FRK: variants seen among roughly 807,000 people sequenced by gnomAD.
FRK encodes tyrosine-protein kinase FRK.
FRK carries 51 observed loss-of-function variants against 56.4 expected under a neutral mutation model. The observed-to-expected ratio is 0.90, with a 90% CI of 0.72 to 1.14. The LOEUF is 1.14. Among genes scored for constraint, FRK ranks in the 50% most tolerant of loss-of-function variants. The pLI is 0.00. For synonymous variants in FRK, 245 were observed against 217.9 expected, an observed-to-expected ratio of 1.12 and a Z score of -1.10; for missense variants, 570 against 601.4, an observed-to-expected ratio of 0.95 and a Z score of 0.55.
rs1554224845 is a variant in FRK, at chr6:115,953,180, ATTTTTTTTTTTT to A, written c.958+3260_958+3271del. 3.5e-4 allele frequency among the ~76,000 whole-genome samples: 36 copies of A among 104,062 alleles called. 4 individuals are homozygous for A. The highest frequency in any genetic ancestry group is 5.1e-4 in the Non-Finnish European group (28 of 54,692). The allele number at this position is 104,062 out of a possible 152,430, so 68.3% of individuals were successfully genotyped here. Reference sequence around the variant, plus strand: ...AGAGTGGTACATCCATTTTAAGGCCATTTTTTTTTTTTTTTTTTTTTTTTTTTGAGACGGAGT... The same window carrying A: ...AGAGTGGTACATCCATTTTAAGGCCATTTTTTTTTTTTTTTGAGACGGAGT... On this transcript the variant is annotated intron_variant, in intron 5 of 7. Transcript: ENST00000606080.
At position 115,967,575 on chromosome 6, in the gene FRK, C is replaced by G; in HGVS notation, c.775G>C (p.Val259Leu). ...WEGLWNNTTP[V>L]AVKTLKPGSM... ...CCTGGTTTTAATGTTTTCACTGCTA[C>G]TGGAGTGGTATTGTTCCACAGACCT... is the stretch of plus-strand genomic sequence containing the variant. Residue 259 changes from valine to leucine, a missense_variant, in exon 4 of 8, where the codon GTA becomes CTA. By Grantham distance (32) the Val-to-Leu change is conservative. Transcript: ENST00000606080. 6.2e-7 allele frequency: 1 copy of G among 1,613,510 alleles called. No homozygotes were observed. The highest frequency in any genetic ancestry group is 8.5e-7 in the Non-Finnish European group (1 of 1,179,690).
intron 1 of FRK, among the ~76,000 whole-genome samples, chr6:116,008,962 A>G (rs1775361271): frequency 6.6e-6 from 1 of 152,378 alleles, no homozygotes; most frequent in South Asian, 2.1e-4. Context: ...TTAATTGAGC[A>G]AAGAATGATT....
the FRK span, among the ~76,000 whole-genome samples, chr6:116,094,745 G>C: frequency 2.6e-5 from 4 of 152,144 alleles, no homozygotes; most frequent in African/African-American, 9.7e-5. Flanking sequence ...AAAGGAAAGA[G>C]AGAAAGAGAC....
chr6:116,083,822 G>C, the FRK span, among the ~76,000 whole-genome samples: 1 of 139,672 alleles, frequency 7.2e-6, no homozygotes, highest in African/African-American at 2.5e-5. Flanking sequence ...ACCATGCCCA[G>C]CTAATTTTTT....
intron 5 of FRK, among the ~76,000 whole-genome samples, chr6:115,953,604 G>A (rs1466145673): frequency 6.6e-6 from 1 of 152,146 alleles, no homozygotes; most frequent in African/African-American, 2.4e-5. Context: ...TGAAGGCACC[G>A]ATAAACTTGA....
rs1772038666 is a variant in FRK at position 115,936,042 on chromosome 6, A to C, written c.*6372T>G. ...GGGTCCCTGACCCTCGTTTATCCTG[A>C]TTGGGAGATATCTCCCAGTAGGGGC... is the stretch of plus-strand genomic sequence containing the variant. On this transcript the variant is annotated 3_prime_UTR_variant, in exon 8 of 8. Coordinates refer to ENST00000606080, the MANE Select transcript of FRK (RefSeq NM_002031.3). 6.5e-6 allele frequency: 1 copy of C among 153,668 alleles called. No individual in the cohort carries two copies. Among genetic ancestry groups the C allele is most frequent in the Non-Finnish European group, 1.4e-5 (1 of 69,280 alleles). 9.5% of individuals were successfully genotyped at this position (153,668 alleles called of 1,614,324 possible).
chr6:115,996,001 T>C (rs1774824938), intron 2 of FRK, among the ~76,000 whole-genome samples: 1 of 152,212 alleles, frequency 6.6e-6, no homozygotes, highest in African/African-American at 2.4e-5. Context: ...TAATACATTT[T>C]ATATGAGATA....
chr6:115,944,534 G>A, intron 5 of FRK, 109 bp from the exon 6 acceptor site: 2 of 763,520 alleles, frequency 2.6e-6, no homozygotes, highest in Non-Finnish European at 4.2e-6. Context: ...TAAGTACAAT[G>A]GCACTGATCT....
At chr6:116,028,003 T>C (rs1776158232) in intron 1 of FRK, among the ~76,000 whole-genome samples, 1 of 152,048 alleles carries the variant, frequency 6.6e-6, no homozygotes. Flanking sequence ...TAAGTGCCTA[T>C]ATGGTAGGTA....
At chr6:116,018,192 G>T (rs1775724079) in intron 1 of FRK, among the ~76,000 whole-genome samples, 1 of 152,122 alleles carries the variant, frequency 6.6e-6, no homozygotes, top group Non-Finnish European at 1.5e-5. Context: ...TGTATGCAAA[G>T]CAGTTTGATT....
At chr6:116,058,868 G>A (rs1470288928) in intron 1 of FRK, among the ~76,000 whole-genome samples, 1 of 136,866 alleles carries the variant, frequency 7.3e-6, no homozygotes, top group Non-Finnish European at 1.5e-5. Flanking sequence ...CCGAGATCGC[G>A]CCACTGCACT....
chr6:116,008,311 G>C lies in FRK; in HGVS notation c.345-4313C>G, dbSNP rs553241829. Among the ~76,000 whole-genome samples the C allele has an allele frequency of 2.0e-4, 30 of 152,180 alleles. No individual in the cohort carries two copies. In the South Asian group the frequency reaches 6.0e-3, roughly 31 times the overall value. On this transcript the variant is annotated intron_variant, in intron 1 of 7. Coordinates refer to ENST00000606080, the MANE Select transcript of FRK (RefSeq NM_002031.3). ...AACAATTTTGGACTTTTGTATAATA[G>C]ATTGGTACAATTACTTTACAAAGCA...
chr6:115,995,078 G>A (rs1396095607), intron 2 of FRK, among the ~76,000 whole-genome samples: 2 of 152,094 alleles, frequency 1.3e-5, no homozygotes, highest in African/African-American at 4.8e-5. Flanking sequence ...TGATGCGTAG[G>A]TCAAAATCTA....
chr6:115,985,395 T>A (rs1774353267), intron 2 of FRK, among the ~76,000 whole-genome samples: 1 of 152,118 alleles, frequency 6.6e-6, no homozygotes, highest in Admixed American at 6.6e-5. Context: ...TAGTAATGTG[T>A]TTAAATATTT....
At chr6:116,057,941 T>A (rs1430305564) in intron 1 of FRK, among the ~76,000 whole-genome samples, 2 of 152,230 alleles carry the variant, frequency 1.3e-5, no homozygotes, top group Non-Finnish European at 2.9e-5. Context: ...GCATTTCTAA[T>A]ACAGTCAAGC....
intron 1 of FRK, among the ~76,000 whole-genome samples, chr6:116,021,985 AGAG>A (rs1338463551): frequency 6.6e-6 from 1 of 151,986 alleles, no homozygotes; most frequent in African/African-American, 2.4e-5. Flanking sequence ...CAGCAATTAA[AGAG>A]GAGACCATCA....
chr6:116,091,152 T>C, the FRK span, among the ~76,000 whole-genome samples: 1 of 152,190 alleles, frequency 6.6e-6, no homozygotes, highest in African/African-American at 2.4e-5. Context: ...ATTTTTTGTG[T>C]CTAGCTAAAG....
intron 2 of FRK, among the ~76,000 whole-genome samples, chr6:115,973,872 G>GAA (rs34745163): frequency 7.3e-6 from 1 of 137,614 alleles, no homozygotes; most frequent in African/African-American, 2.7e-5. Flanking sequence ...CACAGTCTCA[G>GAA]AAAAAAAAAA....
At chr6:115,983,159 C>T (rs1582677845) in intron 2 of FRK, among the ~76,000 whole-genome samples, 2 of 151,874 alleles carry the variant, frequency 1.3e-5, no homozygotes, top group African/African-American at 2.4e-5. Flanking sequence ...AATATTTTGT[C>T]TAATCCTCAT....
Sources: gnomAD v4.1 joint callset for allele counts (sites outside exome capture counted in the v4.1 genomes callset) on GRCh38, gnomAD v4.1.1 for gene constraint, MANE v1.5 for transcripts, NCBI Gene and HGNC (gene_info 2026-07-23, HGNC 2026-07-21) for gene names.